Variants in TSPAN13 observed in about 807,000 individuals in gnomAD.
TSPAN13 encodes the protein tetraspanin 13, also known as tetraspanin-13.
A neutral mutation model predicts 26.9 loss-of-function variants in TSPAN13; 18 were observed. That is an observed-to-expected ratio of 0.67 (90% CI 0.46 to 0.99). TSPAN13 has a LOEUF of 0.99. TSPAN13 is among the 50% of genes least tolerant of loss of function. The pLI is 0.00. For missense variants in TSPAN13, 201 were observed against 249.6 expected (o/e 0.81, Z 1.31); for synonymous variants, 116 against 98.4 (o/e 1.18, Z -1.06).
intron 1 of TSPAN13, among the ~76,000 whole-genome samples, chr7:16,761,956 G>A (rs879784691): frequency 6.6e-6 from 1 of 151,920 alleles, no homozygotes; most frequent in Non-Finnish European, 1.5e-5. Context: ...TCTCTGTTGC[G>A]TTAGTGCTAA....
chr7:16,772,607 T>C (rs368608462), intron 1 of TSPAN13, among the ~76,000 whole-genome samples: 6 of 152,218 alleles, frequency 3.9e-5, no homozygotes, highest in African/African-American at 1.4e-4. Context: ...CTCTTAAGGA[T>C]ACCTGTTATG....
chr7:16,774,687 C>A (rs1413733450), intron 1 of TSPAN13, among the ~76,000 whole-genome samples: 3 of 152,082 alleles, frequency 2.0e-5, no homozygotes, highest in African/African-American at 7.2e-5. Context: ...TTCTGAGTGG[C>A]AAAATTTGTG....
chr7:16,771,081 C>T (rs990855714), intron 1 of TSPAN13, among the ~76,000 whole-genome samples: 4 of 152,186 alleles, frequency 2.6e-5, no homozygotes, highest in East Asian at 1.9e-4. Flanking sequence ...AATCCTTTCC[C>T]GTTAGGGACT....
At chr7:16,754,807 A>G (rs1202246199) in intron 1 of TSPAN13, among the ~76,000 whole-genome samples, 2 of 152,098 alleles carry the variant, frequency 1.3e-5, no homozygotes, top group African/African-American at 4.8e-5. Flanking sequence ...TTGAGGCGCA[A>G]TTCTGGGTGA....
chr7:16,773,932 G>C (rs1192422142), intron 1 of TSPAN13, among the ~76,000 whole-genome samples: 1 of 152,200 alleles, frequency 6.6e-6, no homozygotes, highest in African/African-American at 2.4e-5. Context: ...TGTGATGGTT[G>C]ATTTTATATG....
At chr7:16,755,039 C>G (rs1302178375) in intron 1 of TSPAN13, among the ~76,000 whole-genome samples, 5 of 152,308 alleles carry the variant, frequency 3.3e-5, no homozygotes, top group African/African-American at 1.2e-4. Context: ...CCAGATCTTT[C>G]CACAGGCTGT....
chr7:16,756,047 C>G (rs959858979), intron 1 of TSPAN13, among the ~76,000 whole-genome samples: 25 of 152,156 alleles, frequency 1.6e-4, no homozygotes, highest in Non-Finnish European at 2.8e-4. Flanking sequence ...TTAGTGGCTG[C>G]TTGCTTCTTT....
At chr7:16,756,278 G>A (rs910582992) in intron 1 of TSPAN13, among the ~76,000 whole-genome samples, 4 of 152,202 alleles carry the variant, frequency 2.6e-5, no homozygotes, top group African/African-American at 9.7e-5. Context: ...TTCTCTATAA[G>A]TCATGAATAG....
chr7:16,758,751 C>CTT (rs35793839), intron 1 of TSPAN13, among the ~76,000 whole-genome samples: 303 of 146,924 alleles, frequency 2.1e-3, no homozygotes, highest in South Asian at 3.0e-3. Flanking sequence ...TTGTAATACC[C>CTT]TTTTTTTTTT....
intron 1 of TSPAN13, among the ~76,000 whole-genome samples, chr7:16,762,263 T>A (rs1347860492): frequency 6.6e-6 from 1 of 152,210 alleles, no homozygotes. Flanking sequence ...CCTGAAAGGG[T>A]AATGAGCAAT....
intron 1 of TSPAN13, among the ~76,000 whole-genome samples, chr7:16,762,614 A>G (rs1400163066): frequency 6.6e-6 from 1 of 152,188 alleles, no homozygotes; most frequent in Non-Finnish European, 1.5e-5. Context: ...GCCGGAAGTA[A>G]TAGAAACCCA....
chr7:16,760,684 A>T (rs1562516767), intron 1 of TSPAN13, among the ~76,000 whole-genome samples: 1 of 152,090 alleles, frequency 6.6e-6, no homozygotes, highest in Non-Finnish European at 1.5e-5. Flanking sequence ...GATTCAGGAG[A>T]TGAGGAACAT....
chr7:16,765,821 A>G (rs575300183), intron 1 of TSPAN13, among the ~76,000 whole-genome samples: 1 of 152,318 alleles, frequency 6.6e-6, no homozygotes, highest in East Asian at 1.9e-4. Flanking sequence ...GGAAACTGTT[A>G]TTATAATAGA....
rs548460713 is a variant in TSPAN13 at position 16,764,091 on chromosome 7, C to G, written c.63+10061C>G. ...GGAGTACAGTGGCGCAGTCTTGACT[C>G]ACCGCAACCTCTGCCTGTCGGGTTC... On this transcript the variant is annotated intron_variant, in intron 1 of 5. Transcript: ENST00000262067. 2.0e-5 allele frequency among the ~76,000 whole-genome samples: 3 copies of G among 152,284 alleles called. No homozygotes were observed. In the South Asian group the frequency reaches 6.2e-4, roughly 32 times the overall value.
intron 4 of TSPAN13, 78 bp downstream of exon 4, chr7:16,777,989 C>G: frequency 1.0e-6 from 1 of 995,576 alleles, no homozygotes; most frequent in Non-Finnish European, 1.5e-6. Flanking sequence ...AATGGACTTT[C>G]TGATGCTGAA....
At chr7:16,765,348 C>G (rs940194196) in intron 1 of TSPAN13, among the ~76,000 whole-genome samples, 2 of 152,174 alleles carry the variant, frequency 1.3e-5, no homozygotes, top group East Asian at 3.8e-4. Context: ...AAGCAATCCT[C>G]CTTCCTCGGC....
chr7:16,781,964 C>T (rs1221093489), intron 5 of TSPAN13, among the ~76,000 whole-genome samples: 2 of 152,176 alleles, frequency 1.3e-5, no homozygotes, highest in African/African-American at 4.8e-5. Flanking sequence ...AGTTTATGGG[C>T]TCCAGGTTTG....
rs1210872086 is a variant in TSPAN13, at chr7:16,778,999, G to T, written c.427-4G>T. On this transcript the variant is annotated splice_polypyrimidine_tract_variant and splice_region_variant and intron_variant, in intron 4 of 5. Coordinates refer to ENST00000262067, the MANE Select transcript of TSPAN13 (RefSeq NM_014399.4). ...TAAAGGTTTTTTTACTTTAATTGGTGCAGAGCTGTGTTAAAAGTGACCACT... is the reference window on the plus strand; with the variant it reads ...TAAAGGTTTTTTTACTTTAATTGGTTCAGAGCTGTGTTAAAAGTGACCACT... 7.5e-6 allele frequency: 12 copies of T among 1,600,734 alleles called. No homozygotes were observed. Among genetic ancestry groups the T allele is most frequent in the Non-Finnish European group, 1.0e-5 (12 of 1,172,296 alleles).
intron 1 of TSPAN13, among the ~76,000 whole-genome samples, chr7:16,755,938 C>T (rs1198545207): frequency 6.6e-6 from 1 of 152,068 alleles, no homozygotes; most frequent in Non-Finnish European, 1.5e-5. Flanking sequence ...AATAGCTATG[C>T]AGTAAAACTT....
Sources: gnomAD v4.1 joint callset for allele counts (sites outside exome capture counted in the v4.1 genomes callset) on GRCh38, gnomAD v4.1.1 for gene constraint, MANE v1.5 for transcripts, NCBI Gene and HGNC (gene_info 2026-07-23, HGNC 2026-07-21) for gene names.